The following GSG1L variants were observed in gnomAD, a reference collection of about 807,000 sequenced individuals.
GSG1L encodes the protein germ cell-specific gene 1-like protein.
GSG1L carries 24 observed loss-of-function variants against 42.1 expected under a neutral mutation model. The ratio of observed to expected loss-of-function variants is 0.57; its 90% CI spans 0.41 to 0.80. The LOEUF (loss-of-function observed/expected upper bound fraction) is 0.80. Among genes scored for constraint, GSG1L ranks in the 30% least tolerant of loss-of-function variants. The probability of loss-of-function intolerance (pLI) is 0.00; values close to 1 mark genes in which losing one functional copy is unlikely to be tolerated. For synonymous variants in GSG1L, 215 were observed against 203.5 expected (o/e 1.06, Z -0.48); for missense variants, 445 against 472.2 (o/e 0.94, Z 0.53).
intron 1 of GSG1L, among the ~76,000 whole-genome samples, chr16:27,970,027 G>C (rs1222024099): frequency 6.6e-6 from 1 of 152,090 alleles, no homozygotes; most frequent in Non-Finnish European, 1.5e-5. Flanking sequence ...TATCTTCTCA[G>C]ACCCTTTGCC....
chr16:27,951,782 A>T (rs1077719), intron 2 of GSG1L, among the ~76,000 whole-genome samples: 114,741 of 152,038 alleles, frequency 0.75, 43,665 homozygotes, highest in African/African-American at 0.79. Flanking sequence ...ATCAATAAAA[A>T]GCACTAAATA....
chr16:27,901,094 C>T (rs182407736), intron 2 of GSG1L, among the ~76,000 whole-genome samples: 179 of 152,312 alleles, frequency 1.2e-3, no homozygotes, highest in African/African-American at 4.1e-3. Context: ...CACCACTGCA[C>T]TCCAGTCTGG....
chr16:27,829,727 C>T (rs935091876), intron 4 of GSG1L, among the ~76,000 whole-genome samples: 3 of 152,046 alleles, frequency 2.0e-5, no homozygotes, highest in South Asian at 2.1e-4. Context: ...TCACGTTCAT[C>T]GTAATGGACA....
At position 27,807,507 on chromosome 16, in the gene GSG1L, C is replaced by T. The variant is rs1281084728; in HGVS notation, c.878G>A (p.Arg293His). Reference protein sequence around the residue: ...GSEEDFHLDCRHERYPARHQP... With the variant: ...GSEEDFHLDCHHERYPARHQP... ...CTTACGGGCAGGGTATCTCTCGTGG[C>T]GGCAGTCTAAGTGAAAGTCCTCCTC... The change falls in exon 6 of 7, where the codon CGC becomes CAC. Residue 293 changes from arginine to histidine, a missense_variant. By Grantham distance (29) the Arg-to-His change is conservative. Around this residue, in one of 3 missense-constraint regions of GSG1L, gnomAD observed 140 missense variants for 120.6 expected, o/e 1.16. Transcript: ENST00000447459. 3.7e-6 allele frequency: 6 copies of T among 1,612,910 alleles called. No individual in the cohort carries two copies. The highest frequency in any genetic ancestry group is 2.2e-5 in the South Asian group (2 of 91,004).
intron 3 of GSG1L, among the ~76,000 whole-genome samples, chr16:27,874,319 C>CAA (rs1034042385): frequency 7.9e-5 from 12 of 151,810 alleles, no homozygotes; most frequent in African/African-American, 2.7e-4. Context: ...AGCCTGACCT[C>CAA]AAGGAGGAGA....
chr16:27,964,924 AAG>A (rs1318278719), intron 1 of GSG1L, among the ~76,000 whole-genome samples: 1 of 152,210 alleles, frequency 6.6e-6, no homozygotes, highest in African/African-American at 2.4e-5. Context: ...AAATGACAAA[AAG>A]AGTATAATTG....
At chr16:27,904,327 C>A (rs929281227) in intron 2 of GSG1L, among the ~76,000 whole-genome samples, 1 of 152,108 alleles carries the variant, frequency 6.6e-6, no homozygotes, top group Non-Finnish European at 1.5e-5. Flanking sequence ...GTCTCAGCCT[C>A]CCAAAGCGCT....
chr16:27,849,203 G>C (rs11649551), intron 3 of GSG1L, among the ~76,000 whole-genome samples: 1,979 of 79,940 alleles, frequency 0.025, 71 homozygotes, highest in African/African-American at 0.088. Context: ...ATCCCAAAAA[G>C]AAAAAAAAAA....
chr16:27,945,991 C>G (rs1047380817), intron 2 of GSG1L, among the ~76,000 whole-genome samples: 9 of 152,220 alleles, frequency 5.9e-5, no homozygotes, highest in African/African-American at 2.2e-4. Flanking sequence ...CAGCTGTGAG[C>G]CAAGGGGCCT....
At chr16:27,875,742 C>A (rs1050268450) in intron 3 of GSG1L, among the ~76,000 whole-genome samples, 2 of 152,140 alleles carry the variant, frequency 1.3e-5, no homozygotes, top group Non-Finnish European at 2.9e-5. Context: ...AGAAATGAGT[C>A]TATGACTTAG....
intron 3 of GSG1L, among the ~76,000 whole-genome samples, chr16:27,860,700 C>T (rs1395892822): frequency 2.0e-5 from 3 of 152,204 alleles, no homozygotes; most frequent in South Asian, 4.1e-4. Flanking sequence ...GACTCCCCAG[C>T]CATCTGCAGC....
chr16:27,842,125 T>C (rs571073783), intron 4 of GSG1L, among the ~76,000 whole-genome samples: 5 of 117,688 alleles, frequency 4.2e-5, no homozygotes, highest in East Asian at 2.4e-4. Context: ...GAATTTCACA[T>C]CAGTAGCACG....
intron 2 of GSG1L, among the ~76,000 whole-genome samples, chr16:27,953,488 C>G (rs966218059): frequency 6.6e-5 from 10 of 152,096 alleles, no homozygotes; most frequent in Non-Finnish European, 1.0e-4. Context: ...GTCTGGGAGG[C>G]CAACTGAGAG....
intron 6 of GSG1L, among the ~76,000 whole-genome samples, chr16:27,794,143 T>G (rs996652100): frequency 1.3e-5 from 2 of 152,128 alleles, no homozygotes; most frequent in Non-Finnish European, 2.9e-5. Context: ...GTCTTCTGAG[T>G]AGCTGTGACT....
At chr16:27,923,146 G>C (rs1252393536) in intron 2 of GSG1L, among the ~76,000 whole-genome samples, 1 of 152,060 alleles carries the variant, frequency 6.6e-6, no homozygotes, top group African/African-American at 2.4e-5. Flanking sequence ...GGTATTCATG[G>C]GCTGCAAAAA....
intron 3 of GSG1L, among the ~76,000 whole-genome samples, chr16:27,873,397 T>C (rs2083847110): frequency 6.6e-6 from 1 of 152,224 alleles, no homozygotes; most frequent in African/African-American, 2.4e-5. Context: ...CTGCCCCAGC[T>C]GCTGGTGGGG....
intron 5 of GSG1L, among the ~76,000 whole-genome samples, chr16:27,819,533 G>A (rs1344549770): frequency 6.6e-6 from 1 of 152,186 alleles, no homozygotes; most frequent in African/African-American, 2.4e-5. Flanking sequence ...GAGGATACCT[G>A]AGGCGTGATG....
chr16:27,865,576 C>CACATATATATAT (rs2083712157), intron 3 of GSG1L, among the ~76,000 whole-genome samples: 8 of 21,496 alleles, frequency 3.7e-4, no homozygotes, highest in African/African-American at 3.0e-3. Flanking sequence ...TATATATACA[C>CACATATATATAT]ACACACATAC....
intron 1 of GSG1L, among the ~76,000 whole-genome samples, chr16:27,994,594 T>G (rs2085493370): frequency 6.6e-6 from 1 of 152,176 alleles, no homozygotes; most frequent in Non-Finnish European, 1.5e-5. Flanking sequence ...ACATATTTCT[T>G]CTATTTTGGT....
Sources: allele counts gnomAD v4.1 joint callset (sites outside exome capture counted in the v4.1 genomes callset), GRCh38; gene constraint gnomAD v4.1.1; regional missense constraint gnomAD v4.1.1; transcripts MANE v1.5; gene names NCBI Gene and HGNC (gene_info 2026-07-23, HGNC 2026-07-21).